ST6GAL2: variants seen among roughly 807,000 people sequenced by gnomAD.
ST6GAL2 encodes beta-galactoside alpha-2,6-sialyltransferase 2.
Under a neutral mutation model 37.5 loss-of-function variants are expected in ST6GAL2, and 24 were observed. The observed-to-expected ratio is 0.64, with a 90% CI of 0.46 to 0.90. The LOEUF (loss-of-function observed/expected upper bound fraction) is 0.90. Ranked by LOEUF, ST6GAL2 falls within the 40% of genes least tolerant of loss-of-function variation. ST6GAL2 has a pLI of 0.00. For missense variants in ST6GAL2, 715 were observed against 712.7 expected (o/e 1.00, Z -0.04); for synonymous variants, 306 against 295.1 (o/e 1.04, Z -0.38).
chr2:106,850,086 T>C (rs2104544530), intron 1 of ST6GAL2, among the ~76,000 whole-genome samples: 1 of 152,312 alleles, frequency 6.6e-6, no homozygotes, highest in African/African-American at 2.4e-5. Flanking sequence ...AGGGCTTTTG[T>C]GTTTTTCTCT....
At chr2:106,834,433 C>T in intron 2 of ST6GAL2, 1 of 283,636 alleles carries the variant, frequency 3.5e-6, no homozygotes, top group Non-Finnish European at 6.6e-6. Flanking sequence ...AACATTCTTA[C>T]AAGTGACATG....
intron 2 of ST6GAL2, among the ~76,000 whole-genome samples, chr2:106,840,123 C>T (rs1362122037): frequency 6.6e-6 from 1 of 152,218 alleles, no homozygotes; most frequent in African/African-American, 2.4e-5. Flanking sequence ...CCTGGCAGAA[C>T]ATAGGTAGGG....
At chr2:106,842,177 C>T (rs1676911584) in intron 2 of ST6GAL2, among the ~76,000 whole-genome samples, 1 of 152,184 alleles carries the variant, frequency 6.6e-6, no homozygotes. Context: ...TCAGACTTGC[C>T]AGCCTTCACG....
rs761755100 is a variant in ST6GAL2, at chr2:106,843,880, C to T, written c.98G>A (p.Ser33Asn). Residue 33 changes from serine (S) to asparagine (N), a missense_variant, in exon 2 of 6, where the codon AGC becomes AAC. Physicochemically the swap from Ser to Asn is conservative, Grantham distance 46 (BLOSUM62 1). This residue lies in a region of ST6GAL2 where 512 missense variants were observed against 488.8 expected (regional missense o/e 1.05). Coordinates refer to ENST00000409382, the MANE Select transcript of ST6GAL2 (RefSeq NM_001142351.2). ...GCTGGGTACAGGCTCAGCGGGGTTG[C>T]TGTCGGTGAAGTAGATGAAAATCAG... ...FLLIFIYFTD[S>N]NPAEPVPSSL... 2 of 1,608,820 alleles carry T rather than the reference C, an allele frequency of 1.2e-6. No homozygotes were observed. Among genetic ancestry groups the T allele is most frequent in the Non-Finnish European group, 8.5e-7 (1 of 1,179,518 alleles).
chr2:106,870,613 C>A (rs1678223737), intron 1 of ST6GAL2, among the ~76,000 whole-genome samples: 1 of 152,178 alleles, frequency 6.6e-6, no homozygotes, highest in African/African-American at 2.4e-5. Flanking sequence ...GAGATCCTTT[C>A]AAATCCAGTG....
intron 1 of ST6GAL2, among the ~76,000 whole-genome samples, chr2:106,847,614 T>G (rs1379786655): frequency 1.3e-5 from 2 of 152,164 alleles, no homozygotes; most frequent in Non-Finnish European, 2.9e-5. Context: ...CTGGGCAAGT[T>G]ACTCACAAGT....
chr2:106,884,544 A>C (rs1678879967), intron 1 of ST6GAL2, among the ~76,000 whole-genome samples: 1 of 152,142 alleles, frequency 6.6e-6, no homozygotes, highest in African/African-American at 2.4e-5. Flanking sequence ...CTCCTATCAC[A>C]ATCTCTACAA....
chr2:106,878,326 T>G (rs1195597861), intron 1 of ST6GAL2, among the ~76,000 whole-genome samples: 3 of 151,428 alleles, frequency 2.0e-5, no homozygotes, highest in African/African-American at 7.3e-5. Context: ...TAACCAGGTG[T>G]GGTGGTGCCC....
intron 1 of ST6GAL2, among the ~76,000 whole-genome samples, chr2:106,882,867 G>C (rs570445739): frequency 6.6e-6 from 1 of 152,250 alleles, no homozygotes; most frequent in Non-Finnish European, 1.5e-5. Context: ...GGATGGCACA[G>C]AACAGTTCCG....
At chr2:106,883,779 C>G (rs982397470) in intron 1 of ST6GAL2, among the ~76,000 whole-genome samples, 5 of 152,138 alleles carry the variant, frequency 3.3e-5, no homozygotes, top group African/African-American at 1.2e-4. Context: ...AGGAATAACA[C>G]AATACATTTA....
intron 1 of ST6GAL2, among the ~76,000 whole-genome samples, chr2:106,851,087 T>C (rs1280439791): frequency 6.6e-6 from 1 of 152,220 alleles, no homozygotes; most frequent in African/African-American, 2.4e-5. Context: ...TGGGTGTGAC[T>C]TTCTTTTCCT....
intron 5 of ST6GAL2, among the ~76,000 whole-genome samples, chr2:106,817,975 A>T (rs895424288): frequency 5.3e-5 from 8 of 152,134 alleles, no homozygotes; most frequent in African/African-American, 1.9e-4. Context: ...GCCATGGGAG[A>T]CACCCCTCTG....
At chr2:106,847,352 A>G (rs1435640801) in intron 1 of ST6GAL2, among the ~76,000 whole-genome samples, 2 of 152,232 alleles carry the variant, frequency 1.3e-5, no homozygotes, top group Admixed American at 6.5e-5. Flanking sequence ...AGCTGTAATG[A>G]CCAACATAAA....
chr2:106,886,887 G>A (rs964626151), upstream of ST6GAL2: 2 of 152,088 alleles, frequency 1.3e-5, no homozygotes, highest in Non-Finnish European at 2.9e-5. Flanking sequence ...TGGGCTGCGT[G>A]GGGCGGTGCG....
chr2:106,871,132 A>T (rs1678249430), intron 1 of ST6GAL2, among the ~76,000 whole-genome samples: 1 of 152,234 alleles, frequency 6.6e-6, no homozygotes, highest in African/African-American at 2.4e-5. Context: ...ATGTCACTGT[A>T]CTGCATACTA....
In ST6GAL2 at chr2:106,830,238, C is replaced by T. The variant is rs1426270172; in HGVS notation, c.1146G>A (p.Trp382Ter). 3.7e-6 allele frequency: 6 copies of T among 1,603,542 alleles called. No homozygotes were observed. Among genetic ancestry groups the T allele is most frequent in the South Asian group, 1.1e-5 (1 of 89,906 alleles). ...PAPYSANLNL[W>*]YKKPDYNLFT... ...ACAGGTTGTAATCCGGTTTTTTGTA[C>T]CACTAAGGAAAAAAAAATCAATGCA... is the stretch of plus-strand genomic sequence containing the variant. Residue 382 changes from tryptophan to a stop codon, truncating the protein, a stop_gained and splice_region_variant, in exon 5 of 6, where the codon TGG becomes TGA. Coordinates refer to ENST00000409382, the MANE Select transcript of ST6GAL2 (RefSeq NM_001142351.2). LOFTEE classifies it high-confidence loss of function.
At chr2:106,877,982 C>T (rs1383025670) in intron 1 of ST6GAL2, among the ~76,000 whole-genome samples, 1 of 152,198 alleles carries the variant, frequency 6.6e-6, no homozygotes, top group Non-Finnish European at 1.5e-5. Context: ...GTTGTGCCCA[C>T]CACCCTGAAA....
At chr2:106,881,439 A>G (rs1200194808) in intron 1 of ST6GAL2, among the ~76,000 whole-genome samples, 1 of 152,218 alleles carries the variant, frequency 6.6e-6, no homozygotes, top group Non-Finnish European at 1.5e-5. Context: ...TAGAAAACAA[A>G]TCCCATATTA....
intron 1 of ST6GAL2, among the ~76,000 whole-genome samples, chr2:106,861,006 C>G (rs1677775578): frequency 6.6e-6 from 1 of 152,166 alleles, no homozygotes; most frequent in Non-Finnish European, 1.5e-5. Flanking sequence ...AGGAGGCACC[C>G]CCGCCAAATG....
Sources: allele counts gnomAD v4.1 joint callset (sites outside exome capture counted in the v4.1 genomes callset), GRCh38; gene constraint gnomAD v4.1.1; regional missense constraint gnomAD v4.1.1; transcripts MANE v1.5; gene names NCBI Gene and HGNC (gene_info 2026-07-23, HGNC 2026-07-21).